ACSS3: variants seen among roughly 807,000 people sequenced by gnomAD.
The protein encoded by ACSS3 is acyl-CoA synthetase short chain family member 3.
Under a neutral mutation model 84.2 loss-of-function variants are expected in ACSS3, and 64 were observed. The observed-to-expected ratio is 0.76, with a 90% confidence interval of 0.62 to 0.94. ACSS3 has a LOEUF of 0.94. ACSS3 is among the 40% of genes least tolerant of loss of function. The pLI is 0.00. For synonymous variants in ACSS3, 317 were observed against 310.1 expected (o/e 1.02, Z -0.23); for missense variants, 815 against 867.6 (o/e 0.94, Z 0.76).
chr12:81,095,432 C>T (rs1881974151), intron 1 of ACSS3, among the ~76,000 whole-genome samples: 1 of 152,132 alleles, frequency 6.6e-6, no homozygotes, highest in Non-Finnish European at 1.5e-5. Context: ...TATCATTTTA[C>T]ATTTTCTACC....
chr12:81,107,342 C>T (rs1050358668), intron 1 of ACSS3, among the ~76,000 whole-genome samples: 2 of 150,828 alleles, frequency 1.3e-5, no homozygotes, highest in Non-Finnish European at 3.0e-5. Context: ...TGAGGGAAGC[C>T]CCTTTTTTGG....
At position 81,145,014 on chromosome 12, in the gene ACSS3, C is replaced by T. The variant is rs188679662; in HGVS notation, c.921+1767C>T. The stretch of plus-strand genomic sequence containing the variant: ...CTCCCGGGTTCACGCCATTCTCGTG[C>T]CTTAGCCCCCCGAGTAGCTGGGACT... On this transcript the variant is annotated intron_variant, in intron 5 of 15. Transcript: ENST00000548058. 5.0e-3 allele frequency among the ~76,000 whole-genome samples: 735 copies of T among 147,206 alleles called. 5 individuals carry two copies. Among genetic ancestry groups the T allele is most frequent in the Middle Eastern group, 0.015 (4 of 268 alleles).
chr12:81,139,778 G>A (rs1886000258), intron 4 of ACSS3, among the ~76,000 whole-genome samples: 1 of 151,582 alleles, frequency 6.6e-6, no homozygotes, highest in South Asian at 2.1e-4. Context: ...TGGGACTACA[G>A]GTGCCTGCCA....
chr12:81,146,436 A>G (rs2135740790), intron 5 of ACSS3, among the ~76,000 whole-genome samples: 1 of 152,326 alleles, frequency 6.6e-6, no homozygotes, highest in South Asian at 2.1e-4. Flanking sequence ...TGTTTCCTCA[A>G]TCCTTGATCT....
chr12:81,087,557 G>A (rs945689300), intron 1 of ACSS3, among the ~76,000 whole-genome samples: 19 of 152,000 alleles, frequency 1.3e-4, no homozygotes, highest in African/African-American at 3.4e-4. Context: ...TAGTCACTCC[G>A]TATTATTGTC....
At chr12:81,251,605 G>A (rs1301447632) in intron 13 of ACSS3, among the ~76,000 whole-genome samples, 1 of 148,466 alleles carries the variant, frequency 6.7e-6, no homozygotes, top group African/African-American at 2.5e-5. Flanking sequence ...GCCGAAGCAG[G>A]TAGATTGCTT....
chr12:81,204,827 A>T (rs542949508), intron 9 of ACSS3, among the ~76,000 whole-genome samples: 1 of 152,150 alleles, frequency 6.6e-6, no homozygotes, highest in East Asian at 1.9e-4. Flanking sequence ...GAGCAGCACT[A>T]GGTGATTTTG....
intron 2 of ACSS3, among the ~76,000 whole-genome samples, chr12:81,111,004 A>G (rs1010886199): frequency 6.6e-6 from 1 of 152,184 alleles, no homozygotes; most frequent in Non-Finnish European, 1.5e-5. Flanking sequence ...AAGGCAACTC[A>G]GACTAAAGGA....
rs2033239903 is a variant in ACSS3 at position 81,225,378 on chromosome 12, C to CT, written c.1514+5303dup. Among the ~76,000 whole-genome samples, 5 of 152,022 alleles carry CT rather than the reference C, an allele frequency of 3.3e-5. No homozygotes were observed. The South Asian group carries it at 1.0e-3, about 32-fold the overall frequency. On this transcript the variant is annotated intron_variant, in intron 11 of 15. Transcript: ENST00000548058. ...ACAGAAAGCATGCACTTATTTTATC[C>CT]TATCAATTACCAATTGCAATTTCAT...
chr12:81,108,264 A>T (rs1883250128), intron 1 of ACSS3, among the ~76,000 whole-genome samples: 1 of 142,338 alleles, frequency 7.0e-6, no homozygotes, highest in African/African-American at 2.6e-5. Flanking sequence ...TATTATTATT[A>T]ATTATTATTA....
chr12:81,079,215 GA>G (rs149722319), intron 1 of ACSS3, among the ~76,000 whole-genome samples: 1 of 152,278 alleles, frequency 6.6e-6, no homozygotes, highest in African/African-American at 2.4e-5. Context: ...TTATAAGCAT[GA>G]TTTTTTTTGC....
chr12:81,145,706 G>GT (rs1238068584), intron 5 of ACSS3, among the ~76,000 whole-genome samples: 1 of 152,190 alleles, frequency 6.6e-6, no homozygotes, highest in Non-Finnish European at 1.5e-5. Context: ...GAATCAGAAG[G>GT]ATGGTTGGAG....
chr12:81,132,941 A>G (rs1359985992), intron 2 of ACSS3, among the ~76,000 whole-genome samples: 1 of 152,154 alleles, frequency 6.6e-6, no homozygotes, highest in Admixed American at 6.6e-5. Context: ...ATGTTTGGAT[A>G]TAACTTTCCA....
At chr12:81,208,531 T>C (rs1337100487) in intron 9 of ACSS3, among the ~76,000 whole-genome samples, 1 of 152,160 alleles carries the variant, frequency 6.6e-6, no homozygotes, top group Non-Finnish European at 1.5e-5. Context: ...TTTGGTCTTA[T>C]CTTCCACTGC....
chr12:81,229,876 G>A (rs1041104085), intron 11 of ACSS3, among the ~76,000 whole-genome samples: 5 of 129,070 alleles, frequency 3.9e-5, no homozygotes, highest in African/African-American at 1.3e-4. Flanking sequence ...GATATCTGCT[G>A]GGCTGCCCAA....
intron 8 of ACSS3, among the ~76,000 whole-genome samples, chr12:81,183,189 C>A (rs2031049401): frequency 6.6e-6 from 1 of 152,198 alleles, no homozygotes; most frequent in South Asian, 2.1e-4. Context: ...AAACTCCTCT[C>A]TTTTTATCAC....
At chr12:81,226,487 T>C (rs994967474) in intron 11 of ACSS3, among the ~76,000 whole-genome samples, 4 of 151,918 alleles carry the variant, frequency 2.6e-5, no homozygotes, top group Admixed American at 6.6e-5. Flanking sequence ...CCCAGGCTCA[T>C]CTGTCTTCTG....
intron 8 of ACSS3, among the ~76,000 whole-genome samples, chr12:81,185,205 T>A (rs931235921): frequency 6.6e-6 from 1 of 151,696 alleles, no homozygotes; most frequent in African/African-American, 2.4e-5. Flanking sequence ...AAGGAACGTT[T>A]ATAATAATAA....
chr12:81,178,725 G>A (rs1040978186), intron 8 of ACSS3, among the ~76,000 whole-genome samples: 10 of 152,058 alleles, frequency 6.6e-5, no homozygotes, highest in Non-Finnish European at 1.3e-4. Context: ...ACTGTCTAAA[G>A]CAATTTACAG....
Sources: gnomAD v4.1 joint callset for allele counts (sites outside exome capture counted in the v4.1 genomes callset) on GRCh38, gnomAD v4.1.1 for gene constraint, MANE v1.5 for transcripts, NCBI Gene and HGNC (gene_info 2026-07-23, HGNC 2026-07-21) for gene names.